CPEB3: variants seen among roughly 807,000 people sequenced by gnomAD.
CPEB3 encodes cytoplasmic polyadenylation element binding protein 3.
Under a neutral mutation model 67.2 loss-of-function variants are expected in CPEB3, and 20 were observed. The ratio of observed to expected loss-of-function variants is 0.30; its 90% CI spans 0.21 to 0.43. CPEB3 has a LOEUF of 0.43. Ranked by LOEUF, CPEB3 falls within the 20% of genes least tolerant of loss-of-function variation. CPEB3 has a pLI of 1.00. For synonymous variants in CPEB3, 376 were observed against 393.1 expected (o/e 0.96, Z 0.51); for missense variants, 746 against 968.6 (o/e 0.77, Z 3.05).
chr10:92,068,647 T>C (rs1302737139), intron 9 of CPEB3, among the ~76,000 whole-genome samples: 1 of 152,168 alleles, frequency 6.6e-6, no homozygotes, highest in Non-Finnish European at 1.5e-5. Flanking sequence ...GATGAATATT[T>C]AAATCACTGT....
intron 1 of CPEB3, among the ~76,000 whole-genome samples, chr10:92,270,803 C>G (rs1292872465): frequency 6.6e-6 from 1 of 151,900 alleles, no homozygotes; most frequent in Non-Finnish European, 1.5e-5. Flanking sequence ...CTCCTGAGCT[C>G]AAGTGATTCG....
At chr10:92,168,591 A>G (rs967462013) in intron 4 of CPEB3, among the ~76,000 whole-genome samples, 1 of 152,080 alleles carries the variant, frequency 6.6e-6, no homozygotes, top group South Asian at 2.1e-4. Context: ...GGTTACCCCC[A>G]TGCTGCTGTT....
chr10:92,191,982 A>G (rs1302467720), intron 3 of CPEB3, among the ~76,000 whole-genome samples: 1 of 152,172 alleles, frequency 6.6e-6, no homozygotes, highest in African/African-American at 2.4e-5. Context: ...AGAGACTGCA[A>G]AGGGTCACTA....
chr10:92,238,866 C>T (rs1851668853), intron 2 of CPEB3, among the ~76,000 whole-genome samples: 1 of 152,198 alleles, frequency 6.6e-6, no homozygotes, highest in Non-Finnish European at 1.5e-5. Context: ...AATAGCACCA[C>T]TCAAGGGTTG....
intron 8 of CPEB3, among the ~76,000 whole-genome samples, chr10:92,086,541 AT>A (rs1843382265): frequency 6.6e-6 from 1 of 152,242 alleles, no homozygotes; most frequent in African/African-American, 2.4e-5. Context: ...CAGTTACTCT[AT>A]CTGAACTCTG....
At chr10:92,289,136 C>T (rs1164506881) in intron 1 of CPEB3, among the ~76,000 whole-genome samples, 2 of 151,952 alleles carry the variant, frequency 1.3e-5, no homozygotes, top group Non-Finnish European at 2.9e-5. Context: ...CCAGCTACTC[C>T]GGAGGCTGAG....
chr10:92,113,248 G>T (rs1020367460), intron 6 of CPEB3, among the ~76,000 whole-genome samples: 3 of 152,302 alleles, frequency 2.0e-5, no homozygotes, highest in African/African-American at 4.8e-5. Flanking sequence ...AATAAAACCT[G>T]ACTGCAAAAC....
At chr10:92,148,264 C>T (rs1846786629) in intron 4 of CPEB3, among the ~76,000 whole-genome samples, 1 of 152,168 alleles carries the variant, frequency 6.6e-6, no homozygotes, top group Middle Eastern at 3.2e-3. Context: ...CACTAACTGC[C>T]AATCACACAG....
intron 3 of CPEB3, among the ~76,000 whole-genome samples, chr10:92,185,816 G>C (rs983545439): frequency 1.3e-5 from 2 of 152,178 alleles, no homozygotes; most frequent in Middle Eastern, 3.4e-3. Flanking sequence ...CTTTAGAAAA[G>C]TATCTTAAAA....
At chr10:92,276,761 CAG>C (rs1290517659) in intron 1 of CPEB3, among the ~76,000 whole-genome samples, 1 of 152,140 alleles carries the variant, frequency 6.6e-6, no homozygotes, top group Non-Finnish European at 1.5e-5. Context: ...GAGAAAATGC[CAG>C]ACTGTTTTCC....
In CPEB3 at chr10:92,091,836, G is replaced by C. The variant is rs767977151; in HGVS notation, c.1681C>G (p.Arg561Gly). Residue 561 changes from arginine to glycine, a missense_variant, in exon 8 of 10, where the codon CGA becomes GGA. By Grantham distance (125) the Arg-to-Gly change is moderately radical. Transcript: ENST00000265997. ...TATTACTATTTCCACTCACCAGCTC[G>C]AAGGGGTCGTGGAACTCCCCCAACA... ...IFVGGVPRPL[R>G]AVELAMIMDR... The C allele has an allele frequency of 2.5e-6, 4 of 1,601,170 alleles. No individual in the cohort carries two copies. Among genetic ancestry groups the C allele is most frequent in the Non-Finnish European group, 2.6e-6 (3 of 1,170,132 alleles).
At chr10:92,265,341 C>A (rs1853005960) in intron 1 of CPEB3, among the ~76,000 whole-genome samples, 1 of 152,122 alleles carries the variant, frequency 6.6e-6, no homozygotes, top group Non-Finnish European at 1.5e-5. Flanking sequence ...TCTTAGTGTT[C>A]CAGAGTTAAA....
In CPEB3 at chr10:92,074,708, T is replaced by C. The variant is rs1842874770; in HGVS notation, c.1869+6612A>G. On this transcript the variant is annotated intron_variant, in intron 9 of 9. Coordinates refer to ENST00000265997, the MANE Select transcript of CPEB3 (RefSeq NM_014912.5). ...AGTACATGAAGGGTCATTTAGGCAA[T>C]TTTAAGGACTTTGACCTTTATCCCA... Among the ~76,000 whole-genome samples, 2 of 152,124 alleles carry C rather than the reference T, an allele frequency of 1.3e-5. 1 individual carries two copies. The highest frequency in any genetic ancestry group is 4.1e-4 in the South Asian group (2 of 4,824).
At chr10:92,151,715 A>G (rs1846977025) in intron 4 of CPEB3, among the ~76,000 whole-genome samples, 1 of 152,168 alleles carries the variant, frequency 6.6e-6, no homozygotes, top group African/African-American at 2.4e-5. Context: ...GTGGCATTAC[A>G]ATTCACCCAA....
intron 1 of CPEB3, among the ~76,000 whole-genome samples, chr10:92,273,035 T>C (rs1853370974): frequency 1.3e-5 from 2 of 151,862 alleles, no homozygotes; most frequent in South Asian, 2.1e-4. Flanking sequence ...AAACAATAGG[T>C]GGATTTGAGA....
intron 9 of CPEB3, among the ~76,000 whole-genome samples, chr10:92,073,479 C>T (rs1436763485): frequency 1.3e-5 from 2 of 152,124 alleles, no homozygotes; most frequent in Non-Finnish European, 1.5e-5. Flanking sequence ...CGTGGCAAAA[C>T]CCAGGTTGGA....
intron 2 of CPEB3, among the ~76,000 whole-genome samples, chr10:92,195,065 A>T (rs1849176279): frequency 6.6e-6 from 1 of 151,308 alleles, no homozygotes; most frequent in Non-Finnish European, 1.5e-5. Context: ...ACACACACAC[A>T]CACACACACA....
At chr10:92,157,470 A>G (rs1010496888) in intron 4 of CPEB3, among the ~76,000 whole-genome samples, 3 of 152,208 alleles carry the variant, frequency 2.0e-5, no homozygotes, top group Non-Finnish European at 4.4e-5. Context: ...TTTGGGTGTG[A>G]CCAGGAGAGA....
At chr10:92,220,150 CA>C (rs542555112) in intron 2 of CPEB3, among the ~76,000 whole-genome samples, 16 of 144,452 alleles carry the variant, frequency 1.1e-4, no homozygotes, top group Admixed American at 1.4e-4. Context: ...GATTCCGTCT[CA>C]AAAAAAAAAA....
Sources: gnomAD v4.1 joint callset for allele counts (sites outside exome capture counted in the v4.1 genomes callset) on GRCh38, gnomAD v4.1.1 for gene constraint, MANE v1.5 for transcripts, NCBI Gene and HGNC (gene_info 2026-07-23, HGNC 2026-07-21) for gene names.